Variants in CADPS observed in about 807,000 individuals in gnomAD.
CADPS encodes calcium-dependent secretion activator 1.
In CADPS, 57 loss-of-function variants were observed where a neutral mutation model predicts 167.3. The ratio of observed to expected loss-of-function variants is 0.34; its 90% CI spans 0.28 to 0.42. The LOEUF (loss-of-function observed/expected upper bound fraction) is 0.42. CADPS is among the 20% of genes least tolerant of loss of function. The pLI is 1.00. For missense variants in CADPS, 1,414 were observed against 1,738.1 expected (o/e 0.81, Z 3.32); for synonymous variants, 676 against 635.3 (o/e 1.06, Z -0.96).
At chr3:62,583,158 TCTCTC>T (rs2148542758) in intron 8 of CADPS, among the ~76,000 whole-genome samples, 1 of 65,494 alleles carries the variant, frequency 1.5e-5, no homozygotes, top group Admixed American at 1.7e-4. Flanking sequence ...CCTCTTTGTC[TCTCTC>T]TCTCTCTCTC....
intron 1 of CADPS, among the ~76,000 whole-genome samples, chr3:62,826,253 C>T (rs1457808971): frequency 6.6e-6 from 1 of 152,038 alleles, no homozygotes; most frequent in African/African-American, 2.4e-5. Context: ...GGAGATCCTC[C>T]TAGAAGTTAG....
rs768623604 is a variant in CADPS, at chr3:62,445,816, G to A, written c.3637-19C>T. 2 of 1,486,374 alleles carry A rather than the reference G, an allele frequency of 1.3e-6. No individual in the cohort carries two copies. The highest frequency in any genetic ancestry group is 2.9e-5 in the South Asian group (2 of 67,978). 92.1% of individuals were successfully genotyped at this position (1,486,374 alleles called of 1,614,324 possible). A position where few individuals can be genotyped will look rare whatever the true frequency, so the allele number is the denominator to read the frequency against. ...CCTTCACCTAAAGAGGAAAGAAGAG[G>A]ATGGAAGTGAGGCTGGTGTTTATGT... On this transcript the variant is annotated intron_variant, in intron 26 of 29. Transcript: ENST00000383710.
intron 6 of CADPS, among the ~76,000 whole-genome samples, chr3:62,600,483 A>T (rs2059798501): frequency 6.6e-6 from 1 of 152,216 alleles, no homozygotes; most frequent in Non-Finnish European, 1.5e-5. Context: ...ATTCCAAACC[A>T]AATACTTCCT....
At chr3:62,679,037 G>A (rs2076736901) in intron 3 of CADPS, among the ~76,000 whole-genome samples, 1 of 151,996 alleles carries the variant, frequency 6.6e-6, no homozygotes, top group African/African-American at 2.4e-5. Flanking sequence ...TACCCCACCT[G>A]TGGTGCTTCC....
intron 28 of CADPS, among the ~76,000 whole-genome samples, chr3:62,429,260 G>A (rs1243992269): frequency 6.6e-6 from 1 of 152,280 alleles, no homozygotes; most frequent in East Asian, 1.9e-4. Flanking sequence ...TTGAATCAAA[G>A]AGACTCTTGT....
chr3:62,870,521 C>T lies in CADPS; in HGVS notation c.441+4068G>A, dbSNP rs189988443. Among the ~76,000 whole-genome samples, 4 of 152,176 alleles carry T rather than the reference C, an allele frequency of 2.6e-5. No homozygotes were observed. In the East Asian group the frequency reaches 7.7e-4, roughly 29 times the overall value. On this transcript the variant is annotated intron_variant, in intron 1 of 29. Coordinates refer to ENST00000383710, the MANE Select transcript of CADPS (RefSeq NM_003716.4). ...TTCTATGGCTATGACTCAACATTAG[C>T]CATCATTTCATGGGCAGATACAAGC...
At chr3:62,595,403 T>C (rs833638) in intron 6 of CADPS, among the ~76,000 whole-genome samples, 106,289 of 152,020 alleles carry the variant, frequency 0.7, 38,306 homozygotes, top group Non-Finnish European at 0.8. Flanking sequence ...GAACCAGATA[T>C]CTTTAGTTCA....
intron 3 of CADPS, among the ~76,000 whole-genome samples, chr3:62,709,338 T>C (rs1385459463): frequency 2.0e-5 from 3 of 152,150 alleles, no homozygotes; most frequent in Non-Finnish European, 4.4e-5. Flanking sequence ...GGCTTTACTT[T>C]TGGAGAATTA....
chr3:62,854,965 C>T (rs1323468353), intron 1 of CADPS, among the ~76,000 whole-genome samples: 1 of 152,074 alleles, frequency 6.6e-6, no homozygotes. Context: ...CTCACTGTCA[C>T]CCAGGCTGGA....
chr3:62,753,517 T>C lies in CADPS; in HGVS notation c.812A>G (p.Glu271Gly). 6.2e-7 allele frequency: 1 copy of C among 1,614,090 alleles called. No homozygotes were observed. The highest frequency in any genetic ancestry group is 8.5e-7 in the Non-Finnish European group (1 of 1,180,016). ...SAASELILSKEQLYEMFQNIL... is the reference protein window; with the variant it reads ...SAASELILSKGQLYEMFQNIL... ...GTTCTGGAACATCTCATAGAGTTGC[T>C]CCTTGCTCAGAATCAGCTCGGAGGC... The change falls in exon 3 of 30, where the codon GAG becomes GGG. Residue 271 changes from glutamate to glycine, a missense_variant. This residue lies in a region of CADPS where 522 missense variants were observed against 559.5 expected (regional missense o/e 0.93). Coordinates refer to ENST00000383710, the MANE Select transcript of CADPS (RefSeq NM_003716.4). This position sits in a 1 kb window ranked among gnomAD's most constrained non-coding sequence, Gnocchi z 4.6.
At chr3:62,675,360 T>G (rs976157778) in intron 3 of CADPS, among the ~76,000 whole-genome samples, 5 of 152,180 alleles carry the variant, frequency 3.3e-5, no homozygotes, top group Non-Finnish European at 7.3e-5. Context: ...AAATATAGAC[T>G]CTATTTGAAT....
intron 16 of CADPS, among the ~76,000 whole-genome samples, chr3:62,513,931 C>T (rs977396175): frequency 1.8e-4 from 27 of 151,936 alleles, no homozygotes; most frequent in South Asian, 4.2e-4. Context: ...TGATTTTACA[C>T]GTCTCTTTAG....
chr3:62,599,811 A>AT (rs1562715113), intron 6 of CADPS, among the ~76,000 whole-genome samples: 1 of 13,990 alleles, frequency 7.1e-5, no homozygotes, highest in Non-Finnish European at 1.2e-4. Flanking sequence ...TATAATAAAT[A>AT]ATATATTATA....
At chr3:62,548,917 C>A (rs957972565) in intron 11 of CADPS, among the ~76,000 whole-genome samples, 2 of 152,206 alleles carry the variant, frequency 1.3e-5, no homozygotes, top group Non-Finnish European at 2.9e-5. Flanking sequence ...TCTTATTTAT[C>A]TGTTCACTTG....
intron 4 of CADPS, among the ~76,000 whole-genome samples, chr3:62,653,181 C>A (rs149345074): frequency 2.1e-3 from 323 of 152,178 alleles, no homozygotes; most frequent in Non-Finnish European, 3.6e-3. Flanking sequence ...TGTGTCCTTG[C>A]CTAATTTATA....
chr3:62,504,817 A>T (rs2034612), intron 17 of CADPS, among the ~76,000 whole-genome samples: 139,853 of 152,166 alleles, frequency 0.92, 64,507 homozygotes, highest in South Asian at 0.98. Context: ...AGAATTCCGC[A>T]GCAGGCTTAT....
chr3:62,649,541 GTCTTT>G (rs1482015409), intron 5 of CADPS, among the ~76,000 whole-genome samples: 13 of 75,004 alleles, frequency 1.7e-4, no homozygotes, highest in African/African-American at 5.8e-4. Context: ...ACAATATGTG[GTCTTT>G]TTTTTTTTTT....
intron 3 of CADPS, among the ~76,000 whole-genome samples, chr3:62,727,374 A>G (rs557114020): frequency 1.7e-4 from 26 of 152,048 alleles, no homozygotes; most frequent in African/African-American, 6.3e-4. Flanking sequence ...TTTCATTTAT[A>G]TGAAGTTCAA....
chr3:62,558,127 C>T (rs1245411971), intron 9 of CADPS, among the ~76,000 whole-genome samples: 1 of 152,224 alleles, frequency 6.6e-6, no homozygotes, highest in South Asian at 2.1e-4. Context: ...TTGAAGTCTT[C>T]TTCTTATCTC....
Sources: allele counts gnomAD v4.1 joint callset (sites outside exome capture counted in the v4.1 genomes callset), GRCh38; gene constraint gnomAD v4.1.1; regional missense constraint gnomAD v4.1.1; non-coding constraint Gnocchi (gnomAD v3.1); transcripts MANE v1.5; gene names NCBI Gene and HGNC (gene_info 2026-07-23, HGNC 2026-07-21).